The following COL26A1 variants were observed in gnomAD, a reference collection of about 807,000 sequenced individuals.
The protein encoded by COL26A1 is collagen alpha-1(XXVI) chain.
In COL26A1, 41 loss-of-function variants were observed where a neutral mutation model predicts 59.3. That is an observed-to-expected ratio of 0.69 (90% CI 0.54 to 0.90). The LOEUF (loss-of-function observed/expected upper bound fraction) is 0.90. Among genes scored for constraint, COL26A1 ranks in the 40% least tolerant of loss-of-function variants. COL26A1 has a pLI of 0.00. For missense variants in COL26A1, 612 were observed against 602.3 expected (o/e 1.02, Z -0.17); for synonymous variants, 266 against 256.0 (o/e 1.04, Z -0.37).
chr7:101,523,877 C>T (rs1484041546), intron 3 of COL26A1, among the ~76,000 whole-genome samples: 3 of 151,518 alleles, frequency 2.0e-5, no homozygotes, highest in African/African-American at 7.3e-5. Context: ...CGGACAATTT[C>T]CACCAAAAAA....
chr7:101,436,112 C>T (rs367670874), intron 2 of COL26A1, among the ~76,000 whole-genome samples: 1 of 152,178 alleles, frequency 6.6e-6, no homozygotes, highest in African/African-American at 2.4e-5. Context: ...CACTGCACCA[C>T]CCCGCACCGC....
At chr7:101,512,356 C>T (rs953113608) in intron 3 of COL26A1, among the ~76,000 whole-genome samples, 9 of 152,084 alleles carry the variant, frequency 5.9e-5, no homozygotes, top group Admixed American at 3.9e-4. Flanking sequence ...TGGTGGCTCA[C>T]GCCTGTAATC....
intron 5 of COL26A1, 95 bp downstream of exon 5, chr7:101,540,144 A>T: frequency 1.6e-6 from 2 of 1,252,718 alleles, no homozygotes; most frequent in Non-Finnish European, 2.2e-6. Context: ...CACACTAGAC[A>T]CTCTAGTTCC....
chr7:101,399,406 C>T (rs1791939719), intron 1 of COL26A1, among the ~76,000 whole-genome samples: 3 of 152,140 alleles, frequency 2.0e-5, no homozygotes, highest in Admixed American at 1.3e-4. Flanking sequence ...TCACTGGAAC[C>T]TCCATCTCCT....
At chr7:101,407,373 A>G (rs1584380726) in intron 1 of COL26A1, among the ~76,000 whole-genome samples, 1 of 152,098 alleles carries the variant, frequency 6.6e-6, no homozygotes, top group Non-Finnish European at 1.5e-5. Context: ...CTGTTCTTCT[A>G]GAGAGGGCAG....
At chr7:101,506,204 C>T (rs11772334) in intron 3 of COL26A1, among the ~76,000 whole-genome samples, 14,744 of 152,252 alleles carry the variant, frequency 0.097, 727 homozygotes, top group South Asian at 0.1. Context: ...CCTTTAACTT[C>T]CTGACTGTCC....
chr7:101,551,867 T>G (rs531561826), intron 10 of COL26A1, among the ~76,000 whole-genome samples: 1 of 152,328 alleles, frequency 6.6e-6, no homozygotes. Context: ...GGAGCTTTGC[T>G]GAGCACCTAC....
At chr7:101,480,921 G>A (rs549219469) in intron 3 of COL26A1, among the ~76,000 whole-genome samples, 124 of 152,232 alleles carry the variant, frequency 8.1e-4, no homozygotes, top group African/African-American at 2.9e-3. Flanking sequence ...CAAGCAGTCC[G>A]GATTGTGGAA....
chr7:101,365,820 GAA>G (rs57334672), intron 1 of COL26A1, among the ~76,000 whole-genome samples: 2,222 of 149,430 alleles, frequency 0.015, 59 homozygotes, highest in African/African-American at 0.052. Context: ...GTGTGGGAAG[GAA>G]AAAAAAAAAG....
chr7:101,430,998 C>T (rs778362435), intron 2 of COL26A1, among the ~76,000 whole-genome samples: 1 of 151,780 alleles, frequency 6.6e-6, no homozygotes, highest in Non-Finnish European at 1.5e-5. Context: ...GATGGGGTTT[C>T]GCCATGTTGG....
chr7:101,415,152 C>A lies in COL26A1; in HGVS notation c.159-4825C>A, dbSNP rs952813272. Among the ~76,000 whole-genome samples the A allele has an allele frequency of 5.5e-5, 8 of 146,230 alleles. No homozygotes were observed. The East Asian group carries it at 1.4e-3, about 25-fold the overall frequency. On this transcript the variant is annotated intron_variant, in intron 1 of 12. Coordinates refer to ENST00000313669, the MANE Select transcript of COL26A1 (RefSeq NM_001278563.3). ...GTTCATTTAGTCCTGATCATAACCC[C>A]CCCCCTTTTTTTTTTTGAGACGGAG...
intron 3 of COL26A1, among the ~76,000 whole-genome samples, chr7:101,487,535 C>T (rs895741156): frequency 6.6e-6 from 1 of 152,216 alleles, no homozygotes; most frequent in African/African-American, 2.4e-5. Context: ...TTCTAGGGCA[C>T]ACTCGAGGGG....
intron 3 of COL26A1, among the ~76,000 whole-genome samples, chr7:101,489,802 CTTT>C (rs1563007964): frequency 0.03 from 61 of 2,066 alleles, 9 homozygotes; most frequent in South Asian, 0.043. Context: ...TTCTTTCTTT[CTTT>C]CTTTCTTTCT....
At chr7:101,446,146 C>A (rs1422984529) in intron 2 of COL26A1, among the ~76,000 whole-genome samples, 1 of 151,514 alleles carries the variant, frequency 6.6e-6, no homozygotes, top group Admixed American at 6.6e-5. Flanking sequence ...ACCCACTTAT[C>A]ACCAAGGGGA....
chr7:101,384,270 T>C (rs1791517659), intron 1 of COL26A1, among the ~76,000 whole-genome samples: 1 of 145,194 alleles, frequency 6.9e-6, no homozygotes, highest in Non-Finnish European at 1.5e-5. Flanking sequence ...GGAGTCTCAC[T>C]GTGTTGCCTA....
chr7:101,537,469 C>T (rs962261395), intron 4 of COL26A1, among the ~76,000 whole-genome samples: 13 of 152,244 alleles, frequency 8.5e-5, no homozygotes, highest in South Asian at 2.1e-4. Flanking sequence ...CTTGGCCCCA[C>T]GCCCATGGCT....
intron 3 of COL26A1, among the ~76,000 whole-genome samples, chr7:101,520,633 TAC>T (rs3073377): frequency 0.02 from 2,762 of 137,044 alleles, 68 homozygotes; most frequent in African/African-American, 0.065. Flanking sequence ...CACAGACACA[TAC>T]ACACACACAC....
At chr7:101,394,864 CTTTTCTTTTTTT>C (rs1791818380) in intron 1 of COL26A1, among the ~76,000 whole-genome samples, 1 of 124,010 alleles carries the variant, frequency 8.1e-6, no homozygotes, top group Non-Finnish European at 1.7e-5. Context: ...GTTTCTTTTT[CTTTTCTTTTTTT>C]TTTTTTTTTT....
At chr7:101,383,870 A>G (rs1049888617) in intron 1 of COL26A1, among the ~76,000 whole-genome samples, 1 of 152,062 alleles carries the variant, frequency 6.6e-6, no homozygotes, top group African/African-American at 2.4e-5. Flanking sequence ...GGATTTCTCT[A>G]TGTTGGTCAG....
Sources: allele counts gnomAD v4.1 joint callset (sites outside exome capture counted in the v4.1 genomes callset), GRCh38; gene constraint gnomAD v4.1.1; transcripts MANE v1.5; gene names NCBI Gene and HGNC (gene_info 2026-07-23, HGNC 2026-07-21).